ZC2HC1B: variants seen among roughly 807,000 people sequenced by gnomAD.
The protein encoded by ZC2HC1B is zinc finger C2HC domain-containing protein 1B.
In ZC2HC1B, 36 loss-of-function variants were observed where a neutral mutation model predicts 31.0. The observed-to-expected ratio is 1.16, with a 90% CI of 0.89 to 1.54. ZC2HC1B has a LOEUF of 1.54. Ranked by LOEUF, ZC2HC1B falls within the 40% of genes most tolerant of loss-of-function variation. The pLI is 0.00. For missense variants in ZC2HC1B, 260 were observed against 268.6 expected (o/e 0.97, Z 0.22); for synonymous variants, 73 against 88.0 (o/e 0.83, Z 0.95).
rs868151262 is a variant in ZC2HC1B, at chr6:143,934,512, G to A, written c.599-3137G>A. The stretch of plus-strand genomic sequence containing the variant: ...TCCTTTGGAGGAGTCATATTTTCTT[G>A]CATTTTTATGTTTCTTGTGTTCCTA... On this transcript the variant is annotated intron_variant, in intron 6 of 7. Transcript: ENST00000237275. This position sits in a 1 kb window ranked among gnomAD's most constrained non-coding sequence, Gnocchi z 4.6. Among the ~76,000 whole-genome samples the A allele has an allele frequency of 1.2e-4, 19 of 152,124 alleles. No individual in the cohort carries two copies. Among genetic ancestry groups the A allele is most frequent in the African/African-American group, 4.3e-4 (18 of 41,406 alleles).
intron 4 of ZC2HC1B, among the ~76,000 whole-genome samples, chr6:143,897,710 AT>A (rs1202507852): frequency 6.6e-6 from 1 of 152,034 alleles, no homozygotes; most frequent in Non-Finnish European, 1.5e-5. Flanking sequence ...GAAAAAAAAA[AT>A]CTAGCCACTG....
rs199934942 is a variant in ZC2HC1B at position 143,911,276 on chromosome 6, A to G, written c.598+8124A>G. Reference sequence around the variant, plus strand: ...TTAATTGGGGCATTTAGCCCATTTAAATTTAAGGTTAGTATTGTTATGTGT... The same window carrying G: ...TTAATTGGGGCATTTAGCCCATTTAGATTTAAGGTTAGTATTGTTATGTGT... On this transcript the variant is annotated intron_variant, in intron 6 of 7. Coordinates refer to ENST00000237275, the MANE Select transcript of ZC2HC1B (RefSeq NM_001013623.3). This position sits in a 1 kb window ranked among gnomAD's most constrained non-coding sequence, Gnocchi z 4.5. Among the ~76,000 whole-genome samples, 1 of 152,054 alleles carries G rather than the reference A, an allele frequency of 6.6e-6. No individual in the cohort carries two copies. Among genetic ancestry groups the G allele is most frequent in the East Asian group, 1.9e-4 (1 of 5,180 alleles).
chr6:143,921,094 C>T lies in ZC2HC1B; in HGVS notation c.599-16555C>T, dbSNP rs1012028794. Among the ~76,000 whole-genome samples, 1 of 152,158 alleles carries T rather than the reference C, an allele frequency of 6.6e-6. No individual in the cohort carries two copies. The highest frequency in any genetic ancestry group is 6.5e-5 in the Admixed American group (1 of 15,272). ...CCATAGCAGCCATACACACTCCTGT[C>T]TCATGACCTTTGTACTGGCTGCCCC... On this transcript the variant is annotated intron_variant, in intron 6 of 7. Coordinates refer to ENST00000237275, the MANE Select transcript of ZC2HC1B (RefSeq NM_001013623.3). The surrounding 1 kb of genome is among the most constrained non-coding windows in gnomAD (Gnocchi z 6.1).
rs1278704372 is a variant in ZC2HC1B at position 143,913,519 on chromosome 6, C to G, written c.598+10367C>G. On this transcript the variant is annotated intron_variant, in intron 6 of 7. Coordinates refer to ENST00000237275, the MANE Select transcript of ZC2HC1B (RefSeq NM_001013623.3). The surrounding 1 kb of genome is among the most constrained non-coding windows in gnomAD (Gnocchi z 5.7). ...TCTACAGAATGATGCTGCTTGGCTC[C>G]CTGGATTCTGCCCCTTCCTAGGGAT... Among the ~76,000 whole-genome samples, 1 of 152,190 alleles carries G rather than the reference C, an allele frequency of 6.6e-6. No individual in the cohort carries two copies. Among genetic ancestry groups the G allele is most frequent in the Non-Finnish European group, 1.5e-5 (1 of 68,024 alleles).
Position 143,886,137 on chromosome 6 carries a change from A to G in ZC2HC1B, c.196A>G (p.Thr66Ala), listed in dbSNP as rs1255384310. 6.5e-7 allele frequency: 1 copy of G among 1,543,804 alleles called. No individual in the cohort carries two copies. Among genetic ancestry groups the G allele is most frequent in the Non-Finnish European group, 8.7e-7 (1 of 1,144,688 alleles). Reference sequence around the variant, plus strand: ...CACTGACATTCCTACTGTGAAGAAGACTCCACAATCCAAGGTACTCCTGAT... The same window carrying G: ...CACTGACATTCCTACTGTGAAGAAGGCTCCACAATCCAAGGTACTCCTGAT... The part of the protein sequence containing the change: ...QGTDIPTVKK[T>A]PQSKSPPVRK... The change falls in exon 3 of 8, where the codon ACT (threonine) becomes GCT (alanine). Residue 66 changes from threonine to alanine, a missense_variant. Transcript: ENST00000237275. The surrounding 1 kb of genome is among the most constrained non-coding windows in gnomAD (Gnocchi z 4.2).
At chr6:143,925,961 T>C (rs1778035446) in intron 6 of ZC2HC1B, among the ~76,000 whole-genome samples, 1 of 152,256 alleles carries the variant, frequency 6.6e-6, no homozygotes. Flanking sequence ...GTATCAGTTG[T>C]AATGTCTCCC....
Position 143,922,453 on chromosome 6 carries a change from C to T in ZC2HC1B, c.599-15196C>T, listed in dbSNP as rs768869348. ...TCTAACTGTATTTCGTACCTACTAACCAACCTCTCCACCAGCACCCTGCCA... is the reference window on the plus strand; with the variant it reads ...TCTAACTGTATTTCGTACCTACTAATCAACCTCTCCACCAGCACCCTGCCA... On this transcript the variant is annotated intron_variant, in intron 6 of 7. Coordinates refer to ENST00000237275, the MANE Select transcript of ZC2HC1B (RefSeq NM_001013623.3). This position sits in a 1 kb window ranked among gnomAD's most constrained non-coding sequence, Gnocchi z 5.0. 3.9e-5 allele frequency among the ~76,000 whole-genome samples: 6 copies of T among 152,160 alleles called. No individual in the cohort carries two copies. Among genetic ancestry groups the T allele is most frequent in the Non-Finnish European group, 7.4e-5 (5 of 68,024 alleles).
chr6:143,893,410 C>CA (rs919910730), intron 4 of ZC2HC1B, among the ~76,000 whole-genome samples: 6 of 151,544 alleles, frequency 4.0e-5, no homozygotes, highest in African/African-American at 1.2e-4. Flanking sequence ...ACTAAAAATA[C>CA]AAAAAAAATT....
chr6:143,910,579 A>G (rs986538226), intron 6 of ZC2HC1B, among the ~76,000 whole-genome samples: 2 of 152,184 alleles, frequency 1.3e-5, no homozygotes, highest in African/African-American at 4.8e-5. Context: ...AAAGTCTCCC[A>G]CTATTACTAT....
rs768727403 is a variant in ZC2HC1B, at chr6:143,886,794, C to T, written c.322C>T (p.Pro108Ser). 44 of 1,539,710 alleles carry T rather than the reference C, an allele frequency of 2.9e-5. No homozygotes were observed. Among genetic ancestry groups the T allele is most frequent in the Non-Finnish European group, 3.9e-5 (44 of 1,141,672 alleles). Residue 108 changes from proline to serine, a missense_variant, in exon 4 of 8, where the codon CCT becomes TCT. By Grantham distance (74) the Pro-to-Ser change is moderately conservative. Coordinates refer to ENST00000237275, the MANE Select transcript of ZC2HC1B (RefSeq NM_001013623.3). The surrounding 1 kb of genome is among the most constrained non-coding windows in gnomAD (Gnocchi z 4.2). ...CATTAAAGAAGGCCGACCCCTCCCA[C>T]CTCCACCCCCTCCATCCTTGAACCC... The part of the protein sequence containing the change: ...LAIKEGRPLP[P>S]PPPPSLNPDY...
At chr6:143,902,281 C>T (rs911343004) in intron 5 of ZC2HC1B, among the ~76,000 whole-genome samples, 3 of 152,046 alleles carry the variant, frequency 2.0e-5, no homozygotes, top group African/African-American at 4.8e-5. Context: ...TTAACACAGC[C>T]GAAATATGTT....
rs146999804 is a variant in ZC2HC1B at position 143,913,791 on chromosome 6, G to A, written c.598+10639G>A. On this transcript the variant is annotated intron_variant, in intron 6 of 7. Coordinates refer to ENST00000237275, the MANE Select transcript of ZC2HC1B (RefSeq NM_001013623.3). This position sits in a 1 kb window ranked among gnomAD's most constrained non-coding sequence, Gnocchi z 5.7. ...TTGCTTCCCTTGGCTGGGGGTGGGT[G>A]TTTCCTTGGCTCCATGTCACTCCTG... Among the ~76,000 whole-genome samples, 3 of 152,322 alleles carry A rather than the reference G, an allele frequency of 2.0e-5. No homozygotes were observed. The highest frequency in any genetic ancestry group is 7.2e-5 in the African/African-American group (3 of 41,566).
intron 6 of ZC2HC1B, among the ~76,000 whole-genome samples, chr6:143,929,778 T>C (rs539095424): frequency 1.6e-4 from 24 of 152,348 alleles, no homozygotes; most frequent in Non-Finnish European, 3.2e-4. Flanking sequence ...CTTATTATTG[T>C]TCTGCTCAGG....
chr6:143,904,834 GT>G (rs1777776012), intron 6 of ZC2HC1B, among the ~76,000 whole-genome samples: 1 of 152,188 alleles, frequency 6.6e-6, no homozygotes, highest in Non-Finnish European at 1.5e-5. Context: ...TAGATGTCCA[GT>G]TTCCCCATTC....
intron 6 of ZC2HC1B, 34 bp from the exon 7 acceptor site, chr6:143,937,615 T>C (rs981597491): frequency 6.6e-6 from 10 of 1,520,914 alleles, no homozygotes; most frequent in Middle Eastern, 1.7e-4. Flanking sequence ...TGTTCTGCTT[T>C]GACATAATAA....
rs941488208 is a variant in ZC2HC1B, at chr6:143,923,495, C to A, written c.599-14154C>A. ...GTTTATTTTATTTTTGTTGCCTGTG[C>A]TTTTGAAGTCATGGCCACAAATTTT... On this transcript the variant is annotated intron_variant, in intron 6 of 7. Coordinates refer to ENST00000237275, the MANE Select transcript of ZC2HC1B (RefSeq NM_001013623.3). This position sits in a 1 kb window ranked among gnomAD's most constrained non-coding sequence, Gnocchi z 4.8. 2.6e-5 allele frequency among the ~76,000 whole-genome samples: 4 copies of A among 152,138 alleles called. No individual in the cohort carries two copies. Among genetic ancestry groups the A allele is most frequent in the African/African-American group, 9.6e-5 (4 of 41,518 alleles).
chr6:143,881,941 T>C (rs1207830277), intron 1 of ZC2HC1B, among the ~76,000 whole-genome samples: 1 of 152,200 alleles, frequency 6.6e-6, no homozygotes, highest in African/African-American at 2.4e-5. Flanking sequence ...AGGTCATTGA[T>C]CCTCTAGGGA....
rs1777709889 is a variant in ZC2HC1B, at chr6:143,899,579, G to C, written c.489+888G>C. ...TTTAGTAGAGATGGGGTCTCACTGT[G>C]TTGCTCAGGCTGGTCTCAAACTCCT... On this transcript the variant is annotated intron_variant, in intron 5 of 7. Coordinates refer to ENST00000237275, the MANE Select transcript of ZC2HC1B (RefSeq NM_001013623.3). The surrounding 1 kb of genome is among the most constrained non-coding windows in gnomAD (Gnocchi z 5.0). Among the ~76,000 whole-genome samples, 1 of 152,180 alleles carries C rather than the reference G, an allele frequency of 6.6e-6. No homozygotes were observed. The highest frequency in any genetic ancestry group is 1.5e-5 in the Non-Finnish European group (1 of 68,046).
chr6:143,932,890 A>G (rs1778138404), intron 6 of ZC2HC1B, among the ~76,000 whole-genome samples: 1 of 152,110 alleles, frequency 6.6e-6, no homozygotes, highest in Non-Finnish European at 1.5e-5. Context: ...CCTAGGAGCC[A>G]GATTGTGGTG....
Sources: gnomAD v4.1 joint callset for allele counts (sites outside exome capture counted in the v4.1 genomes callset) on GRCh38, gnomAD v4.1.1 for gene constraint, Gnocchi (gnomAD v3.1) non-coding constraint, MANE v1.5 for transcripts, NCBI Gene and HGNC (gene_info 2026-07-23, HGNC 2026-07-21) for gene names.